CDKL1: variants seen among roughly 807,000 people sequenced by gnomAD.
CDKL1 encodes cyclin-dependent kinase-like 1.
In CDKL1, 41 loss-of-function variants were observed where a neutral mutation model predicts 42.0. The ratio of observed to expected loss-of-function variants is 0.98; its 90% confidence interval spans 0.76 to 1.27. The LOEUF is 1.27. Among genes scored for constraint, CDKL1 ranks in the 50% most tolerant of loss-of-function variants. The pLI is 0.00. For missense variants in CDKL1, 394 were observed against 428.4 expected (o/e 0.92, Z 0.71); for synonymous variants, 153 against 158.6 (o/e 0.96, Z 0.26).
At chr14:50,353,535 ATC>A (rs1320224639) in intron 3 of CDKL1, among the ~76,000 whole-genome samples, 16 of 20,774 alleles carry the variant, frequency 7.7e-4, no homozygotes, top group Non-Finnish European at 1.9e-3. Flanking sequence ...CTAAGAATTT[ATC>A]CTAAAGAAAT....
At chr14:50,392,632 A>G (rs977492526) in intron 2 of CDKL1, among the ~76,000 whole-genome samples, 5 of 151,822 alleles carry the variant, frequency 3.3e-5, no homozygotes, top group Non-Finnish European at 7.4e-5. Context: ...TCCATCCCAC[A>G]TGGTGACCTC....
intron 4 of CDKL1, chr14:50,343,155 CTTT>C (rs3049935): frequency 0.011 from 3,314 of 292,882 alleles, 22 homozygotes; most frequent in African/African-American, 0.033. Flanking sequence ...TTAAGAGTTA[CTTT>C]TTTTTTTTTT....
At chr14:50,348,714 G>A (rs905249335) in intron 3 of CDKL1, among the ~76,000 whole-genome samples, 1 of 152,180 alleles carries the variant, frequency 6.6e-6, no homozygotes, top group African/African-American at 2.4e-5. Flanking sequence ...TCTTAACTAT[G>A]AGCATATAAC....
At chr14:50,331,990 C>T in intron 9 of CDKL1, 6 of 1,510,944 alleles carry the variant, frequency 4.0e-6, no homozygotes, top group East Asian at 2.5e-5. Flanking sequence ...GACTCATACT[C>T]ATGTACCTTG....
chr14:50,396,030 CA>C lies in CDKL1; in HGVS notation c.-163del. On this transcript the variant is annotated 5_prime_UTR_variant, in exon 2 of 10. Coordinates refer to ENST00000395834, the MANE Select transcript of CDKL1 (RefSeq NM_004196.7). ...TGAAACTCCGTCTCTACTAAAGATA[CA>C]AAAAATTAGCCGGGTGTGGTGATGG... is the stretch of plus-strand genomic sequence containing the variant. 3 of 1,006,430 alleles carry C rather than the reference CA, an allele frequency of 3.0e-6. No individual in the cohort carries two copies. Among genetic ancestry groups the C allele is most frequent in the Non-Finnish European group, 2.8e-6 (2 of 722,134 alleles). 62.3% of individuals were successfully genotyped at this position (1,006,430 alleles called of 1,614,324 possible). A position where few individuals can be genotyped will look rare whatever the true frequency, so the allele number is the denominator to read the frequency against.
At chr14:50,383,084 C>T (rs879327432) in intron 2 of CDKL1, among the ~76,000 whole-genome samples, 2 of 152,068 alleles carry the variant, frequency 1.3e-5, no homozygotes, top group African/African-American at 4.8e-5. Context: ...TGTGCCACCA[C>T]GCCTGGCTAA....
At chr14:50,352,293 T>C (rs2033926515) in intron 3 of CDKL1, among the ~76,000 whole-genome samples, 1 of 152,068 alleles carries the variant, frequency 6.6e-6, no homozygotes, top group African/African-American at 2.4e-5. Context: ...ATACATCAAA[T>C]ATTTTAATAA....
In CDKL1 at chr14:50,339,036, A is replaced by C. The variant is rs1389125952; in HGVS notation, c.656-7T>G. The C allele has an allele frequency of 3.8e-6, 6 of 1,589,940 alleles. No homozygotes were observed. The highest frequency in any genetic ancestry group is 5.2e-6 in the Non-Finnish European group (6 of 1,158,068). On this transcript the variant is annotated splice_polypyrimidine_tract_variant and splice_region_variant and intron_variant, in intron 6 of 9. Transcript: ENST00000395834. ...TGCCTAGGAATGAGATCCCCTTTGG[A>C]CAAGAAAAGAAAAAGGTAAGTGAAA...
chr14:50,358,277 A>C, intron 3 of CDKL1: 3 of 465,390 alleles, frequency 6.4e-6, no homozygotes, highest in Non-Finnish European at 7.0e-6. Context: ...AACCAAAGAA[A>C]TCCTGAGTAA....
chr14:50,328,289 C>T lies in CDKL1; in HGVS notation c.*1785G>A, dbSNP rs550331177. Reference sequence around the variant, plus strand: ...TCCTTGTCATTTGAATCAAGGCCGTCTAACAGGAATTGAATAATTCAGGGA... The same window carrying T: ...TCCTTGTCATTTGAATCAAGGCCGTTTAACAGGAATTGAATAATTCAGGGA... On this transcript the variant is annotated 3_prime_UTR_variant, in exon 10 of 10. Coordinates refer to ENST00000395834, the MANE Select transcript of CDKL1 (RefSeq NM_004196.7). 1 of 152,198 alleles carries T rather than the reference C, an allele frequency of 6.6e-6. No individual in the cohort carries two copies. Among genetic ancestry groups the T allele is most frequent in the East Asian group, 1.9e-4 (1 of 5,188 alleles). 9.4% of individuals were successfully genotyped at this position (152,198 alleles called of 1,614,324 possible).
At position 50,330,174 on chromosome 14, in the gene CDKL1, T is replaced by G. The variant is rs760899569; in HGVS notation, c.974A>C (p.Tyr325Ser). 6.2e-7 allele frequency: 1 copy of G among 1,603,740 alleles called. No homozygotes were observed. Among genetic ancestry groups the G allele is most frequent in the South Asian group, 1.1e-5 (1 of 88,212 alleles). Reference protein sequence around the residue: ...HCFTETSKLQYLPQLTGSSIL... With the variant: ...HCFTETSKLQSLPQLTGSSIL... ...GCTGCTGCCAGTTAGCTGGGGTAGGTACTGCAACTAAAAATGCAAAACACA... is the reference window on the plus strand; with the variant it reads ...GCTGCTGCCAGTTAGCTGGGGTAGGGACTGCAACTAAAAATGCAAAACACA... Residue 325 changes from tyrosine (Y) to serine (S), a missense_variant, in exon 10 of 10, where the codon TAC becomes TCC. By Grantham distance (144) the Tyr-to-Ser change is moderately radical (BLOSUM62 -2). Transcript: ENST00000395834.
chr14:50,346,691 C>T (rs1425265226), intron 3 of CDKL1, among the ~76,000 whole-genome samples: 14 of 142,368 alleles, frequency 9.8e-5, no homozygotes, highest in African/African-American at 3.7e-4. Context: ...TGCTCTGTCA[C>T]CCAGGCTAAA....
At chr14:50,359,232 G>A (rs1399972317) in intron 2 of CDKL1, 83 bp from the exon 3 acceptor site, 1 of 1,475,494 alleles carries the variant, frequency 6.8e-7, no homozygotes, top group African/African-American at 1.4e-5. Flanking sequence ...AAAGTAAGTT[G>A]TTTGTCCTTT....
intron 2 of CDKL1, among the ~76,000 whole-genome samples, chr14:50,388,535 C>A (rs1300509887): frequency 6.6e-6 from 1 of 152,194 alleles, no homozygotes; most frequent in Admixed American, 6.5e-5. Flanking sequence ...TTGGCCACAG[C>A]ACTATGTTAA....
At chr14:50,335,453 T>A (rs2033212839) in intron 7 of CDKL1, 1 of 1,535,278 alleles carries the variant, frequency 6.5e-7, no homozygotes, top group Non-Finnish European at 8.7e-7. Context: ...CTGCTTCCCT[T>A]CTCAGCCTGC....
At chr14:50,360,431 G>T (rs950050383) in intron 2 of CDKL1, among the ~76,000 whole-genome samples, 1 of 151,736 alleles carries the variant, frequency 6.6e-6, no homozygotes, top group Non-Finnish European at 1.5e-5. Context: ...TTTTTGAGAC[G>T]GAGTCTCACT....
At chr14:50,383,959 C>T (rs2034998611) in intron 2 of CDKL1, among the ~76,000 whole-genome samples, 1 of 152,200 alleles carries the variant, frequency 6.6e-6, no homozygotes, top group Non-Finnish European at 1.5e-5. Context: ...ACATCAAGAG[C>T]TCAACCAAAA....
At chr14:50,386,756 C>T (rs574120744) in intron 2 of CDKL1, among the ~76,000 whole-genome samples, 1 of 152,020 alleles carries the variant, frequency 6.6e-6, no homozygotes, top group African/African-American at 2.4e-5. Flanking sequence ...GAAACCCCAT[C>T]TCTACAAAGA....
chr14:50,339,178 C>T (rs1036246913), intron 6 of CDKL1, 149 bp from the exon 7 acceptor site: 11 of 629,236 alleles, frequency 1.7e-5, no homozygotes, highest in Non-Finnish European at 2.9e-5. Flanking sequence ...TTCAGGCAAC[C>T]CACAGCAACC....
Sources: allele counts gnomAD v4.1 joint callset (sites outside exome capture counted in the v4.1 genomes callset), GRCh38; gene constraint gnomAD v4.1.1; transcripts MANE v1.5; gene names NCBI Gene and HGNC (gene_info 2026-07-23, HGNC 2026-07-21).